Variants in RECQL5 observed in about 807,000 individuals in gnomAD.
The protein encoded by RECQL5 is ATP-dependent DNA helicase Q5.
A neutral mutation model predicts 103.4 loss-of-function variants in RECQL5; 88 were observed. The observed-to-expected ratio is 0.85, with a 90% confidence interval of 0.72 to 1.02. The LOEUF (loss-of-function observed/expected upper bound fraction) is 1.02. RECQL5 is among the 50% of genes least tolerant of loss of function. The probability of loss-of-function intolerance (pLI) is 0.00; values close to 1 mark genes in which losing one functional copy is unlikely to be tolerated. For missense variants in RECQL5, 1,232 were observed against 1,284.3 expected, an observed-to-expected ratio of 0.96 and a Z score of 0.62; for synonymous variants, 552 against 507.9, an observed-to-expected ratio of 1.09 and a Z score of -1.17.
Position 75,631,465 on chromosome 17 carries a change from T to TA in RECQL5, c.1432dup (p.Tyr478LeufsTer8), listed in dbSNP as rs1568260132. The TA allele has an allele frequency of 2.5e-6, 4 of 1,611,614 alleles. No homozygotes were observed. The South Asian group carries it at 4.4e-5, about 18-fold the overall frequency. ...GGCCCCTTACCTGCTGAAGTCCCCGTAGCCCTTGCGGCCTCCCTCATACAG... is the reference window on the plus strand; with the variant it reads ...GGCCCCTTACCTGCTGAAGTCCCCGTAAGCCCTTGCGGCCTCCCTCATACAG... On this transcript the variant is annotated frameshift_variant, in exon 9 of 20. Coordinates refer to ENST00000317905, the MANE Select transcript of RECQL5 (RefSeq NM_004259.7). LOFTEE classifies it high-confidence loss of function.
chr17:75,662,718 C>T lies in RECQL5; in HGVS notation c.532G>A (p.Ala178Thr), dbSNP rs2059715951. 6.2e-7 allele frequency: 1 copy of T among 1,614,020 alleles called. No individual in the cohort carries two copies. The highest frequency in any genetic ancestry group is 1.1e-5 in the South Asian group (1 of 91,086). The change falls in exon 4 of 20, where the codon GCC becomes ACC. Residue 178 changes from alanine to threonine, a missense_variant. Physicochemically the swap from Ala to Thr is moderately conservative, Grantham distance 58 (BLOSUM62 0). Transcript: ENST00000317905. The stretch of plus-strand genomic sequence containing the variant: ...GCATGTCCCAGGCGGGAGCGCAGGG[C>T]ACCCAGACGCAAGTAGTCAGGACGA... ...DFRPDYLRLGALRSRLGHAPC... is the reference protein window; with the variant it reads ...DFRPDYLRLGTLRSRLGHAPC...
At chr17:75,639,281 G>C (rs543792032) in intron 8 of RECQL5, 2 of 152,558 alleles carry the variant, frequency 1.3e-5, no homozygotes, top group Admixed American at 6.5e-5. Flanking sequence ...CCCTGGATTA[G>C]AGCAACTGCC....
chr17:75,661,695 C>T lies in RECQL5; in HGVS notation c.785G>A (p.Gly262Asp). The change falls in exon 5 of 20, where the codon GGC (glycine) becomes GAC (aspartate). Residue 262 changes from glycine to aspartate, a missense_variant. Gly to Asp is a moderately conservative substitution (Grantham distance 94). Transcript: ENST00000317905. ...CTCTCTAGTCCTGCAGTACACAATG[C>T]CGCAGCCAGATAACTGAATGGGGAG... is the stretch of plus-strand genomic sequence containing the variant. The part of the protein sequence containing the change: ...QEADKGLSGC[G>D]IVYCRTREAC... The T allele has an allele frequency of 6.2e-7, 1 of 1,613,706 alleles. No homozygotes were observed. The highest frequency in any genetic ancestry group is 1.1e-5 in the South Asian group (1 of 91,080).
rs781267560 is a variant in RECQL5 at position 75,629,106 on chromosome 17, C to G, written c.2317G>C (p.Glu773Gln). Residue 773 changes from glutamate (E) to glutamine (Q), a missense_variant, in exon 16 of 20, where the codon GAA becomes CAA. Coordinates refer to ENST00000317905, the MANE Select transcript of RECQL5 (RefSeq NM_004259.7). ...SIARFFCRRV[E>Q]SPALLASAPE... ...GCTGATGCCAGCAGAGCTGGGCTTT[C>G]CACCCTTCGGCAGAAGAAGCGGGCG... 1 of 1,613,692 alleles carries G rather than the reference C, an allele frequency of 6.2e-7. No homozygotes were observed. Among genetic ancestry groups the G allele is most frequent in the Admixed American group, 1.7e-5 (1 of 60,020 alleles).
intron 8 of RECQL5, 89 bp from the exon 9 acceptor site, chr17:75,631,757 G>A: frequency 1.5e-6 from 2 of 1,346,230 alleles, no homozygotes; most frequent in Non-Finnish European, 2.1e-6. Flanking sequence ...AGCTGAGCGA[G>A]CACTGCCGCG....
intron 8 of RECQL5, chr17:75,647,361 T>C (rs761180452): frequency 2.6e-6 from 4 of 1,542,604 alleles, no homozygotes; most frequent in South Asian, 2.4e-5. Flanking sequence ...CCTCTGTCCC[T>C]CTTTTCCAGA....
chr17:75,647,254 C>T (rs2059499576), intron 8 of RECQL5: 5 of 812,736 alleles, frequency 6.2e-6, no homozygotes, highest in Non-Finnish European at 7.6e-6. Context: ...GGCTGCCAGG[C>T]GGGCCGGCTG....
At chr17:75,629,899 C>T in intron 14 of RECQL5, 57 bp from the exon 15 acceptor site, 1 of 1,542,634 alleles carries the variant, frequency 6.5e-7, no homozygotes, top group East Asian at 2.3e-5. Flanking sequence ...TGACATGCCC[C>T]ACCTAGCCCT....
In RECQL5 at chr17:75,653,892, A is replaced by AAAAAC. The variant is rs376166113; in HGVS notation, c.1150-2632_1150-2628dup. Reference sequence around the variant, plus strand: ...CAGCCTGCACGACAAAGACTGTCTGAAAAACAAAACAAAACAAAACAAAAC... The same window carrying AAAAAC: ...CAGCCTGCACGACAAAGACTGTCTGAAAAACAAAACAAAACAAAACAAAACAAAAC... On this transcript the variant is annotated intron_variant, in intron 7 of 19. Coordinates refer to ENST00000317905, the MANE Select transcript of RECQL5 (RefSeq NM_004259.7). Among the ~76,000 whole-genome samples the AAAAAC allele has an allele frequency of 3.9e-3, 594 of 151,880 alleles. 1 individual carries two copies. The highest frequency in any genetic ancestry group is 0.012 in the African/African-American group (484 of 41,334).
At chr17:75,633,100 C>T (rs1164975312) in intron 8 of RECQL5, among the ~76,000 whole-genome samples, 2 of 152,224 alleles carry the variant, frequency 1.3e-5, no homozygotes, top group African/African-American at 4.8e-5. Context: ...CACCAGAGGG[C>T]GCTCCTGCCC....
chr17:75,631,762 GC>G, intron 8 of RECQL5, 94 bp from the exon 9 acceptor site: 1 of 1,290,304 alleles, frequency 7.8e-7, no homozygotes, highest in Non-Finnish European at 1.1e-6. Flanking sequence ...AGCGAGCACT[GC>G]CGCGTCCGGC....
intron 3 of RECQL5, among the ~76,000 whole-genome samples, chr17:75,663,457 C>G (rs1000827354): frequency 5.3e-4 from 81 of 152,078 alleles, no homozygotes; most frequent in African/African-American, 1.8e-3. Context: ...TTGACCGCAA[C>G]CCATCACATG....
In RECQL5 at chr17:75,662,500, A is replaced by G. The variant is rs1247359208; in HGVS notation, c.750T>C (p.Leu250=). 1.2e-6 allele frequency: 2 copies of G among 1,613,912 alleles called. No homozygotes were observed. The highest frequency in any genetic ancestry group is 3.3e-5 in the Admixed American group (2 of 60,012). ...GNLKDFCLKA[L]GQEADKGLSG... Reference sequence around the variant, plus strand: ...TCACCCCTTTATCAGCCTCCTGTCCAAGAGCCTTAAGGCAGAAGTCCTTCA... The same window carrying G: ...TCACCCCTTTATCAGCCTCCTGTCCGAGAGCCTTAAGGCAGAAGTCCTTCA... Residue 250 remains leucine (L), a synonymous_variant, in exon 4 of 20, where the codon CTT becomes CTC. Transcript: ENST00000317905.
In RECQL5 at chr17:75,667,070, A is replaced by ACC. The variant is rs2059797681; in HGVS notation, c.-42_-41insGG. On this transcript the variant is annotated 5_prime_UTR_variant, in exon 1 of 20. Transcript: ENST00000317905. ...AGAACCGGCCGTGGTCCGCCCAAGAATTAAAGGCTGCTGGCTGGTTCCGGA... is the reference window on the plus strand; with the variant it reads ...AGAACCGGCCGTGGTCCGCCCAAGAACCTTAAAGGCTGCTGGCTGGTTCCGGA... The ACC allele has an allele frequency of 2.4e-4, 87 of 369,210 alleles. 2 individuals are homozygous for ACC. In the South Asian group the frequency reaches 2.4e-3, roughly 10 times the overall value. 22.9% of individuals were successfully genotyped at this position (369,210 alleles called of 1,614,324 possible).
At position 75,658,463 on chromosome 17, in the gene RECQL5, G is replaced by A; in HGVS notation, c.987-3C>T. On this transcript the variant is annotated splice_polypyrimidine_tract_variant and splice_region_variant and intron_variant, in intron 6 of 19. Coordinates refer to ENST00000317905, the MANE Select transcript of RECQL5 (RefSeq NM_004259.7). ...CAATATTCCAATGGGCGACAAACCT[G>A]TAGGATCCAAAGGGACAAGCAGCAT... The A allele has an allele frequency of 6.2e-7, 1 of 1,613,254 alleles. No homozygotes were observed. Among genetic ancestry groups the A allele is most frequent in the South Asian group, 1.1e-5 (1 of 91,046 alleles).
chr17:75,662,918 T>C lies in RECQL5; in HGVS notation c.332A>G (p.Glu111Gly). ...TTCTCGCTCCAGGTCAGCAAGCAGC[T>C]CCTTCCTTTCCTGTGCAGAGAGCTT... ...NSKLSAQERK[E>G]LLADLEREKP... Residue 111 changes from glutamate to glycine, a missense_variant, in exon 4 of 20, where the codon GAG becomes GGG. By Grantham distance (98) the Glu-to-Gly change is moderately conservative. Coordinates refer to ENST00000317905, the MANE Select transcript of RECQL5 (RefSeq NM_004259.7). The C allele has an allele frequency of 6.2e-7, 1 of 1,614,116 alleles. No individual in the cohort carries two copies. Among genetic ancestry groups the C allele is most frequent in the South Asian group, 1.1e-5 (1 of 91,086 alleles).
In RECQL5 at chr17:75,640,090, C is replaced by A. The variant is rs985738952; in HGVS notation, c.1230-8422G>T. On this transcript the variant is annotated intron_variant, in intron 8 of 19. Coordinates refer to ENST00000317905, the MANE Select transcript of RECQL5 (RefSeq NM_004259.7). The surrounding 1 kb of genome is among the most constrained non-coding windows in gnomAD (Gnocchi z 4.6). ...TTGTTCTGCGGGCTGCGGATGGGTGCGAGGGTGGAATCTCGGTGCTGCGAC... is the reference window on the plus strand; with the variant it reads ...TTGTTCTGCGGGCTGCGGATGGGTGAGAGGGTGGAATCTCGGTGCTGCGAC... 5.0e-6 allele frequency: 7 copies of A among 1,394,576 alleles called. No individual in the cohort carries two copies. The African/African-American group carries it at 8.7e-5, about 17-fold the overall frequency. 86.4% of individuals were successfully genotyped at this position (1,394,576 alleles called of 1,614,324 possible).
Position 75,627,538 on chromosome 17 carries a change from G to T in RECQL5, c.2876-16C>A. On this transcript the variant is annotated splice_polypyrimidine_tract_variant and intron_variant, in intron 19 of 19. Coordinates refer to ENST00000317905, the MANE Select transcript of RECQL5 (RefSeq NM_004259.7). ...TCTTCTTTCACTACAGATTCAGGGT[G>T]GGGGCATGAGGAGGTGAGCGTTAGC... 3 of 1,613,170 alleles carry T rather than the reference G, an allele frequency of 1.9e-6. No homozygotes were observed. The highest frequency in any genetic ancestry group is 2.5e-6 in the Non-Finnish European group (3 of 1,179,236).
chr17:75,647,430 C>G, intron 8 of RECQL5: 5 of 1,550,094 alleles, frequency 3.2e-6, no homozygotes, highest in Non-Finnish European at 4.4e-6. Flanking sequence ...TCTGGCAGAA[C>G]CCCTGGGACC....
Sources: gnomAD v4.1 joint callset for allele counts (sites outside exome capture counted in the v4.1 genomes callset) on GRCh38, gnomAD v4.1.1 for gene constraint, Gnocchi (gnomAD v3.1) non-coding constraint, MANE v1.5 for transcripts, NCBI Gene and HGNC (gene_info 2026-07-23, HGNC 2026-07-21) for gene names.